The following GGNBP2 variants were observed in gnomAD, a reference collection of about 807,000 sequenced individuals.
GGNBP2 encodes gametogenetin binding protein 2.
GGNBP2 carries 10 observed loss-of-function variants against 85.9 expected under a neutral mutation model. The observed-to-expected ratio is 0.12, with a 90% CI of 0.07 to 0.20. The LOEUF (loss-of-function observed/expected upper bound fraction) is 0.20. Ranked by LOEUF, GGNBP2 falls within the 10% of genes least tolerant of loss-of-function variation. The pLI, the probability that GGNBP2 is intolerant of heterozygous loss-of-function variation, is 1.00. For synonymous variants in GGNBP2, 287 were observed against 285.7 expected (o/e 1.00, Z -0.05); for missense variants, 595 against 857.8 (o/e 0.69, Z 3.83).
At position 36,554,610 on chromosome 17, in the gene GGNBP2, G is replaced by A. The variant is rs150477624; in HGVS notation, c.94-210G>A. Among the ~76,000 whole-genome samples, 8 of 151,752 alleles carry A rather than the reference G, an allele frequency of 5.3e-5. No individual in the cohort carries two copies. The East Asian group carries it at 1.6e-3, about 29-fold the overall frequency. On this transcript the variant is annotated intron_variant, in intron 2 of 13. Transcript: ENST00000613102. ...TCGAACTCCCAACCTCAGGTGATCCGCCGCCCCCCACCCCACTGGCCTCCC... is the reference window on the plus strand; with the variant it reads ...TCGAACTCCCAACCTCAGGTGATCCACCGCCCCCCACCCCACTGGCCTCCC...
At chr17:36,570,042 A>C (rs1252484327) in intron 6 of GGNBP2, among the ~76,000 whole-genome samples, 1 of 152,206 alleles carries the variant, frequency 6.6e-6, no homozygotes, top group Non-Finnish European at 1.5e-5. Flanking sequence ...TTGTAACTGT[A>C]CAAGTTAGTT....
intron 6 of GGNBP2, among the ~76,000 whole-genome samples, chr17:36,572,564 C>CACATATA (rs2074536433): frequency 1.3e-5 from 2 of 152,094 alleles, no homozygotes; most frequent in Non-Finnish European, 2.9e-5. Context: ...TGGCACACAC[C>CACATATA]TGTAGTCCCA....
chr17:36,574,300 ATAC>A lies in GGNBP2; in HGVS notation c.642-3679_642-3677del, dbSNP rs1295822721. Among the ~76,000 whole-genome samples, 4 of 152,300 alleles carry A rather than the reference ATAC, an allele frequency of 2.6e-5. No individual in the cohort carries two copies. In the East Asian group the frequency reaches 7.7e-4, roughly 29 times the overall value. ...GAAAAAAATATAAATAAAAATATGTATACTACCTAGGTTTGTGTAAGTACACTC... is the reference window on the plus strand; with the variant it reads ...GAAAAAAATATAAATAAAAATATGTATACCTAGGTTTGTGTAAGTACACTC... On this transcript the variant is annotated intron_variant, in intron 6 of 13. Coordinates refer to ENST00000613102, the MANE Select transcript of GGNBP2 (RefSeq NM_024835.5).
intron 6 of GGNBP2, chr17:36,576,715 G>A (rs180819440): frequency 2.7e-5 from 4 of 146,742 alleles, no homozygotes; most frequent in African/African-American, 1.0e-4. Flanking sequence ...CATGCCAGAG[G>A]GAATTGAAAA....
At chr17:36,576,085 C>A (rs1264324301) in intron 6 of GGNBP2, among the ~76,000 whole-genome samples, 1 of 146,308 alleles carries the variant, frequency 6.8e-6, no homozygotes, top group Non-Finnish European at 1.5e-5. Flanking sequence ...TGCTTGTAAT[C>A]CCAACACTTT....
At position 36,554,546 on chromosome 17, in the gene GGNBP2, T is replaced by C. The variant is rs114765877; in HGVS notation, c.94-274T>C. Among the ~76,000 whole-genome samples the C allele has an allele frequency of 5.2e-3, 782 of 151,730 alleles. 13 individuals carry two copies. The highest frequency in any genetic ancestry group is 0.026 in the East Asian group (131 of 5,116). ...CCAAACCTGCCTAATTTTATGTATT[T>C]AGTAGAGATGGGGTTTCTCCATGTT... On this transcript the variant is annotated intron_variant, in intron 2 of 13. Transcript: ENST00000613102.
At chr17:36,571,775 G>A (rs1599530475) in intron 6 of GGNBP2, among the ~76,000 whole-genome samples, 1 of 152,096 alleles carries the variant, frequency 6.6e-6, no homozygotes, top group Admixed American at 6.6e-5. Flanking sequence ...CCGAGGAGGC[G>A]GAACTTGCAG....
At chr17:36,566,774 T>C (rs1410112028) in intron 5 of GGNBP2, among the ~76,000 whole-genome samples, 2 of 152,200 alleles carry the variant, frequency 1.3e-5, no homozygotes, top group Admixed American at 1.3e-4. Flanking sequence ...TAAAACTTAT[T>C]CACTGTAATT....
At chr17:36,558,240 C>T (rs1006636959) in intron 4 of GGNBP2, among the ~76,000 whole-genome samples, 3 of 151,320 alleles carry the variant, frequency 2.0e-5, no homozygotes, top group East Asian at 2.0e-4. Context: ...ACGCTGAAAC[C>T]GAGTCTCTAC....
intron 6 of GGNBP2, 94 bp from the exon 7 acceptor site, chr17:36,577,889 A>G: frequency 2.2e-6 from 2 of 916,338 alleles, no homozygotes; most frequent in Non-Finnish European, 3.5e-6. Flanking sequence ...GATGCTGTAG[A>G]TGGGAGAGAG....
chr17:36,545,868 C>A (rs1302553697), intron 2 of GGNBP2, 51 bp downstream of exon 2: 1 of 1,249,114 alleles, frequency 8.0e-7, no homozygotes, highest in Admixed American at 2.1e-5. Context: ...CAGCTGTTTC[C>A]CCTCCTCCCC....
chr17:36,588,199 G>T (rs545342760), intron 13 of GGNBP2, among the ~76,000 whole-genome samples: 57 of 152,326 alleles, frequency 3.7e-4, no homozygotes, highest in Non-Finnish European at 7.5e-4. Flanking sequence ...GGAGGAAGAA[G>T]AGTGGTGTCC....
Position 36,587,046 on chromosome 17 carries a change from C to T in GGNBP2, c.1691C>T (p.Ser564Leu), listed in dbSNP as rs573274073. The change falls in exon 13 of 14, where the codon TCA (serine) becomes TTA (leucine). Residue 564 changes from serine (S) to leucine (L), a missense_variant. Physicochemically the swap from Ser to Leu is moderately radical, Grantham distance 145 (BLOSUM62 -2). This residue lies in a region of GGNBP2 where 120 missense variants were observed against 126.3 expected (regional missense o/e 0.95). Coordinates refer to ENST00000613102, the MANE Select transcript of GGNBP2 (RefSeq NM_024835.5). ...ACAGATCCAGGTAATCGAGAGACCT[C>T]AGGAAATACCATGCACACAGTGTTT... ...CITDPGNRETSGNTMHTVFHR... is the reference protein window; with the variant it reads ...CITDPGNRETLGNTMHTVFHR... 7 of 1,613,402 alleles carry T rather than the reference C, an allele frequency of 4.3e-6. No homozygotes were observed. Among genetic ancestry groups the T allele is most frequent in the Middle Eastern group, 1.7e-4 (1 of 6,058 alleles).
chr17:36,567,186 A>G (rs2074476908), intron 5 of GGNBP2, among the ~76,000 whole-genome samples: 2 of 151,790 alleles, frequency 1.3e-5, no homozygotes, highest in African/African-American at 4.9e-5. Flanking sequence ...TTAGTTTATT[A>G]ACCAGTTGCT....
At chr17:36,580,352 C>T (rs1019832245) in intron 8 of GGNBP2, among the ~76,000 whole-genome samples, 3 of 151,386 alleles carry the variant, frequency 2.0e-5, no homozygotes, top group Admixed American at 6.6e-5. Flanking sequence ...GGACTGCAGG[C>T]GCCCGCCACC....
intron 6 of GGNBP2, among the ~76,000 whole-genome samples, chr17:36,570,063 G>A (rs1350890159): frequency 2.0e-5 from 3 of 152,126 alleles, no homozygotes; most frequent in Non-Finnish European, 4.4e-5. Flanking sequence ...GACTTTCTGT[G>A]CCTCAATTTT....
chr17:36,565,059 TAAAG>T lies in GGNBP2; in HGVS notation c.528-2600_528-2597del, dbSNP rs568892213. ...AATTTAATGGTAGAAAAGAAATTAG[TAAAG>T]AAACCTGAGAAAGAGTAGCCAGATA... is the stretch of plus-strand genomic sequence containing the variant. On this transcript the variant is annotated intron_variant, in intron 5 of 13. Coordinates refer to ENST00000613102, the MANE Select transcript of GGNBP2 (RefSeq NM_024835.5). Among the ~76,000 whole-genome samples the T allele has an allele frequency of 2.6e-3, 401 of 152,180 alleles. 2 individuals carry two copies. Among genetic ancestry groups the T allele is most frequent in the African/African-American group, 9.2e-3 (383 of 41,524 alleles).
chr17:36,556,249 A>G (rs561875298), intron 3 of GGNBP2, among the ~76,000 whole-genome samples: 311 of 152,332 alleles, frequency 2.0e-3, no homozygotes, highest in African/African-American at 7.1e-3. Context: ...ACTTCCCTAC[A>G]TAAGGAAGAT....
chr17:36,565,303 G>T (rs1044353334), intron 5 of GGNBP2, among the ~76,000 whole-genome samples: 4 of 152,176 alleles, frequency 2.6e-5, no homozygotes, highest in Admixed American at 2.6e-4. Flanking sequence ...CATGGATTAA[G>T]CTGTGAATGG....
Sources: gnomAD v4.1 joint callset for allele counts (sites outside exome capture counted in the v4.1 genomes callset) on GRCh38, gnomAD v4.1.1 for gene constraint, gnomAD v4.1.1 regional missense constraint, MANE v1.5 for transcripts, NCBI Gene and HGNC (gene_info 2026-07-23, HGNC 2026-07-21) for gene names.